Variants in ATP1B1 observed in about 807,000 individuals in gnomAD.
ATP1B1 encodes ATPase Na+/K+ transporting subunit beta 1.
In ATP1B1, 3 loss-of-function variants were observed where a neutral mutation model predicts 39.6. The observed-to-expected ratio is 0.08, with a 90% CI of 0.03 to 0.20. The LOEUF (loss-of-function observed/expected upper bound fraction) is 0.20, where lower values mean the gene tolerates loss of function less well. Among genes scored for constraint, ATP1B1 ranks in the 10% least tolerant of loss-of-function variants. The pLI is 1.00. For missense variants in ATP1B1, 216 were observed against 371.1 expected (o/e 0.58, Z 3.43); for synonymous variants, 139 against 135.0 (o/e 1.03, Z -0.20).
chr1:169,126,014 C>A (rs538420301), intron 3 of ATP1B1, among the ~76,000 whole-genome samples: 1 of 152,248 alleles, frequency 6.6e-6, no homozygotes, highest in South Asian at 2.1e-4. Context: ...AAACATCTCT[C>A]TGAGTTTTAC....
At chr1:169,124,720 G>A (rs994913679) in intron 2 of ATP1B1, among the ~76,000 whole-genome samples, 164 bp from the exon 3 acceptor site, 1 of 152,230 alleles carries the variant, frequency 6.6e-6, no homozygotes, top group African/African-American at 2.4e-5. Context: ...GGTACTTGGG[G>A]TTACCTAATC....
At chr1:169,107,884 ACAT>A (rs531481247) in intron 1 of ATP1B1, 25 of 151,144 alleles carry the variant, frequency 1.7e-4, no homozygotes, top group East Asian at 7.8e-4. Context: ...TCCTCCTCCA[ACAT>A]CATCATCATC....
At chr1:169,130,970 A>C (rs947716127) in intron 5 of ATP1B1, among the ~76,000 whole-genome samples, 6 of 152,306 alleles carry the variant, frequency 3.9e-5, no homozygotes, top group African/African-American at 1.4e-4. Flanking sequence ...AGAGGCAAGT[A>C]GTAAACTTTG....
rs1205177137 is a variant in ATP1B1 at position 169,131,366 on chromosome 1, G to C, written c.723G>C (p.Gln241His). 6.2e-7 allele frequency: 1 copy of C among 1,614,176 alleles called. No homozygotes were observed. The highest frequency in any genetic ancestry group is 1.7e-5 in the Admixed American group (1 of 60,026). Residue 241 changes from glutamine to histidine, a missense_variant, in exon 6 of 6, where the codon CAG becomes CAC. Coordinates refer to ENST00000367815, the MANE Select transcript of ATP1B1 (RefSeq NM_001677.4). The surrounding 1 kb of genome is among the most constrained non-coding windows in gnomAD (Gnocchi z 4.4). Reference sequence around the variant, plus strand: ...GCAACTCCCCTGGTTTTCCTCTGCAGTATTATCCGTACTATGGCAAACTCC... The same window carrying C: ...GCAACTCCCCTGGTTTTCCTCTGCACTATTATCCGTACTATGGCAAACTCC... ...GLGNSPGFPL[Q>H]YYPYYGKLLQ...
intron 1 of ATP1B1, chr1:169,110,657 A>G (rs1346323514): frequency 7.8e-7 from 1 of 1,284,782 alleles, no homozygotes; most frequent in East Asian, 5.7e-5. Context: ...GCAGCCCAGC[A>G]AGTCAGTCAT....
chr1:169,107,164 T>C (rs1657613971), intron 1 of ATP1B1, among the ~76,000 whole-genome samples: 1 of 152,188 alleles, frequency 6.6e-6, no homozygotes. Context: ...AGGTTATGCA[T>C]ATCGTAGCGA....
chr1:169,131,160 G>A lies in ATP1B1; in HGVS notation c.649-132G>A. 8.5e-7 allele frequency: 1 copy of A among 1,182,692 alleles called. No homozygotes were observed. The allele number at this position is 1,182,692 out of a possible 1,614,324, so 73.3% of individuals were successfully genotyped here. A position where few individuals can be genotyped will look rare whatever the true frequency, so the allele number is the denominator to read the frequency against. On this transcript the variant is annotated intron_variant, in intron 5 of 5. Transcript: ENST00000367815. The surrounding 1 kb of genome is among the most constrained non-coding windows in gnomAD (Gnocchi z 4.4). ...ATGACCATTTCTCAAGGCTGCAATG[G>A]AATAGACTGAGTAGATGTTCTTTCC...
In ATP1B1 at chr1:169,109,182, G is replaced by T. The variant is rs548258209; in HGVS notation, c.98-2188G>T. Among the ~76,000 whole-genome samples the T allele has an allele frequency of 7.8e-4, 119 of 152,314 alleles. 1 individual carries two copies. Among genetic ancestry groups the T allele is most frequent in the South Asian group, 1.5e-3 (7 of 4,826 alleles). On this transcript the variant is annotated intron_variant, in intron 1 of 5. Transcript: ENST00000367815. ...TGGTAGGTTTTATATTTACAGCTAG[G>T]CCTGGATGCCTGCCTGTGACCTTTT...
intron 2 of ATP1B1, among the ~76,000 whole-genome samples, chr1:169,122,618 CTG>C (rs1658002735): frequency 6.6e-6 from 1 of 151,866 alleles, no homozygotes; most frequent in South Asian, 2.1e-4. Context: ...AAACTGTAAT[CTG>C]TGTTTATTTT....
intron 5 of ATP1B1, among the ~76,000 whole-genome samples, chr1:169,130,878 A>G (rs1469617090): frequency 1.3e-5 from 2 of 152,128 alleles, no homozygotes; most frequent in Admixed American, 6.5e-5. Context: ...TTTAGAGAGA[A>G]AGGCAGAACA....
At chr1:169,114,870 A>C (rs756426731) in intron 2 of ATP1B1, among the ~76,000 whole-genome samples, 84 of 152,026 alleles carry the variant, frequency 5.5e-4, no homozygotes, top group East Asian at 7.7e-4. Flanking sequence ...CACACACACA[A>C]AAAATTTTTT....
chr1:169,120,563 C>T (rs536552322), intron 2 of ATP1B1, among the ~76,000 whole-genome samples: 32 of 152,334 alleles, frequency 2.1e-4, no homozygotes, highest in South Asian at 2.1e-3. Flanking sequence ...GGGCAAGTCA[C>T]AGGGTTCTAA....
intron 2 of ATP1B1, among the ~76,000 whole-genome samples, chr1:169,122,746 ATTTTT>A (rs753882699): frequency 2.9e-4 from 24 of 82,402 alleles, no homozygotes; most frequent in Admixed American, 7.3e-4. Flanking sequence ...TTTCAGGATG[ATTTTT>A]TTTTTTTTTT....
At chr1:169,110,337 G>A (rs576319525) in intron 1 of ATP1B1, among the ~76,000 whole-genome samples, 65 of 152,228 alleles carry the variant, frequency 4.3e-4, no homozygotes, top group Non-Finnish European at 7.6e-4. Context: ...TAATGCATGA[G>A]ATCTGGACCT....
rs1255694122 is a variant in ATP1B1 at position 169,132,413 on chromosome 1, G to A, written c.*858G>A. On this transcript the variant is annotated 3_prime_UTR_variant, in exon 6 of 6. Transcript: ENST00000367815. ...TCTGGAGGCATCACATGCTGGTGCT[G>A]TGTCTTTATGAATGTTTTAACCATT... 1.8e-5 allele frequency: 8 copies of A among 442,388 alleles called. No homozygotes were observed. The highest frequency in any genetic ancestry group is 6.2e-5 in the African/African-American group (3 of 48,764). 27.4% of individuals were successfully genotyped at this position (442,388 alleles called of 1,614,324 possible).
chr1:169,130,798 AAAAAAAAAAT>A (rs1396258295), intron 5 of ATP1B1, among the ~76,000 whole-genome samples: 1 of 151,296 alleles, frequency 6.6e-6, no homozygotes, highest in African/African-American at 2.4e-5. Context: ...AAAAAAAAAA[AAAAAAAAAAT>A]TGAAAGACTA....
Position 169,127,320 on chromosome 1 carries a change from C to G in ATP1B1, c.479C>G (p.Ser160Cys). 1.2e-6 allele frequency: 2 copies of G among 1,611,798 alleles called. No individual in the cohort carries two copies. The highest frequency in any genetic ancestry group is 1.7e-6 in the Non-Finnish European group (2 of 1,179,256). ...RFKLEWLGNCSGLNDETYGYK... is the reference protein window; with the variant it reads ...RFKLEWLGNCCGLNDETYGYK... ...AAGCTTGAATGGCTGGGAAATTGCT[C>G]TGGATTAAATGATGAAACTTATGGC... The change falls in exon 4 of 6, where the codon TCT becomes TGT. Residue 160 changes from serine (S) to cysteine (C), a missense_variant. Physicochemically the swap from Ser to Cys is moderately radical, Grantham distance 112 (BLOSUM62 -1). Coordinates refer to ENST00000367815, the MANE Select transcript of ATP1B1 (RefSeq NM_001677.4).
chr1:169,106,821 G>A lies in ATP1B1; in HGVS notation c.-9G>A, dbSNP rs766251587. The A allele has an allele frequency of 1.3e-6, 2 of 1,572,200 alleles. No homozygotes were observed. The highest frequency in any genetic ancestry group is 1.7e-6 in the Non-Finnish European group (2 of 1,162,358). On this transcript the variant is annotated 5_prime_UTR_variant, in exon 1 of 6. Transcript: ENST00000367815. ...TCCGGACCGCGGCAGCTGCTGACCC[G>A]CCATCGCCATGGCCCGCGGGAAAGC... is the stretch of plus-strand genomic sequence containing the variant.
rs779129566 is a variant in ATP1B1 at position 169,125,012 on chromosome 1, G to A, written c.355G>A (p.Asp119Asn). ...LEKYKDSAQR[D>N]DMIFEDCGDV... is the part of the protein sequence containing the mutation. ...AAAGTACAAAGATTCAGCCCAGAGG[G>A]ATGACATGATTTTTGAAGATTGTGG... Residue 119 changes from aspartate to asparagine, a missense_variant, in exon 3 of 6, where the codon GAT becomes AAT. Coordinates refer to ENST00000367815, the MANE Select transcript of ATP1B1 (RefSeq NM_001677.4). 1.7e-5 allele frequency: 28 copies of A among 1,612,396 alleles called. No homozygotes were observed. Among genetic ancestry groups the A allele is most frequent in the Non-Finnish European group, 2.3e-5 (27 of 1,179,532 alleles).
Sources: gnomAD v4.1 joint callset for allele counts (sites outside exome capture counted in the v4.1 genomes callset) on GRCh38, gnomAD v4.1.1 for gene constraint, Gnocchi (gnomAD v3.1) non-coding constraint, MANE v1.5 for transcripts, NCBI Gene and HGNC (gene_info 2026-07-23, HGNC 2026-07-21) for gene names.